Variants in RSRC1 observed in about 807,000 individuals in gnomAD.
The protein encoded by RSRC1 is serine/Arginine-related protein 53.
Under a neutral mutation model 49.1 loss-of-function variants are expected in RSRC1, and 39 were observed. The ratio of observed to expected loss-of-function variants is 0.79; its 90% confidence interval spans 0.61 to 1.04. RSRC1 has a LOEUF of 1.04. RSRC1 is among the 50% of genes least tolerant of loss of function. The pLI is 0.00. For missense variants in RSRC1, 388 were observed against 402.4 expected (o/e 0.96, Z 0.31); for synonymous variants, 143 against 130.8 (o/e 1.09, Z -0.63).
At chr3:158,162,405 G>T (rs1718285062) in intron 3 of RSRC1, among the ~76,000 whole-genome samples, 1 of 151,972 alleles carries the variant, frequency 6.6e-6, no homozygotes, top group Non-Finnish European at 1.5e-5. Flanking sequence ...GTATCTAATG[G>T]TTTCCTTTTT....
intron 4 of RSRC1, among the ~76,000 whole-genome samples, chr3:158,268,263 C>T (rs940096262): frequency 6.6e-6 from 1 of 152,170 alleles, no homozygotes; most frequent in South Asian, 2.1e-4. Flanking sequence ...GGTTAATACA[C>T]TTAATTTAAA....
At chr3:158,445,968 C>T (rs1280132549) in intron 6 of RSRC1, among the ~76,000 whole-genome samples, 1 of 151,934 alleles carries the variant, frequency 6.6e-6, no homozygotes, top group Non-Finnish European at 1.5e-5. Flanking sequence ...CATATTCAGC[C>T]GTCAGTCTGT....
chr3:158,471,771 T>C (rs1211141164), intron 7 of RSRC1, among the ~76,000 whole-genome samples: 1 of 152,072 alleles, frequency 6.6e-6, no homozygotes, highest in Non-Finnish European at 1.5e-5. Context: ...AAGAAATTGT[T>C]GGAATGAGAG....
chr3:158,282,450 G>T (rs558936693), intron 4 of RSRC1, among the ~76,000 whole-genome samples: 98 of 152,230 alleles, frequency 6.4e-4, no homozygotes, highest in African/African-American at 2.1e-3. Context: ...CAGTGGCTTT[G>T]TTTTTTCTGA....
intron 6 of RSRC1, among the ~76,000 whole-genome samples, chr3:158,430,784 A>G (rs1193559443): frequency 6.6e-6 from 1 of 151,958 alleles, no homozygotes; most frequent in East Asian, 1.9e-4. Context: ...AGTACCTGGT[A>G]CAGTATATAG....
At chr3:158,354,747 C>A (rs1731065696) in intron 5 of RSRC1, 110 bp from the exon 6 acceptor site, 1 of 762,164 alleles carries the variant, frequency 1.3e-6, no homozygotes, top group Admixed American at 3.1e-5. Flanking sequence ...TGTTAAAGCT[C>A]TTTAAATTTC....
intron 4 of RSRC1, among the ~76,000 whole-genome samples, chr3:158,297,763 G>C (rs539459208): frequency 6.6e-6 from 1 of 151,916 alleles, no homozygotes; most frequent in Non-Finnish European, 1.5e-5. Context: ...TAGATATTGT[G>C]TGAAGAATAA....
chr3:158,165,115 T>A (rs1244050440), intron 3 of RSRC1, among the ~76,000 whole-genome samples: 1 of 152,172 alleles, frequency 6.6e-6, no homozygotes, highest in Non-Finnish European at 1.5e-5. Flanking sequence ...GAACCTTTGC[T>A]CTGAGCATGG....
chr3:158,284,882 A>G (rs1468036438), intron 4 of RSRC1, among the ~76,000 whole-genome samples: 1 of 151,248 alleles, frequency 6.6e-6, no homozygotes, highest in Non-Finnish European at 1.5e-5. Context: ...TGCTGTGCAG[A>G]AGCTCTTTAG....
intron 3 of RSRC1, among the ~76,000 whole-genome samples, chr3:158,150,892 C>A (rs916880507): frequency 4.6e-5 from 7 of 152,158 alleles, no homozygotes; most frequent in African/African-American, 1.7e-4. Context: ...GTAAGGAATT[C>A]ATCTTCTTTC....
At chr3:158,377,865 TGGCCAG>T (rs147224417) in intron 6 of RSRC1, among the ~76,000 whole-genome samples, 2,889 of 152,240 alleles carry the variant, frequency 0.019, 72 homozygotes, top group African/African-American at 0.066. Context: ...TTCACCATGT[TGGCCAG>T]GTTGGTCTTG....
chr3:158,489,872 T>C (rs1251590935), intron 7 of RSRC1, among the ~76,000 whole-genome samples: 1 of 152,180 alleles, frequency 6.6e-6, no homozygotes, highest in Non-Finnish European at 1.5e-5. Flanking sequence ...AAAGATAATA[T>C]AGTTGAGTTT....
chr3:158,397,564 A>T (rs1173180663), intron 6 of RSRC1, among the ~76,000 whole-genome samples: 1 of 152,202 alleles, frequency 6.6e-6, no homozygotes, highest in African/African-American at 2.4e-5. Flanking sequence ...TACATATCTC[A>T]AAAGATGTGT....
At chr3:158,192,110 A>G (rs924702123) in intron 3 of RSRC1, among the ~76,000 whole-genome samples, 2 of 151,990 alleles carry the variant, frequency 1.3e-5, no homozygotes, top group Non-Finnish European at 2.9e-5. Context: ...CTTGCAATCT[A>G]TAAGCATGAT....
Position 158,128,590 on chromosome 3 carries a change from C to A in RSRC1, c.320+4599C>A, listed in dbSNP as rs138905686. ...AAAAATAATACAGAATTTCCTTATACCCCTCATATCACCTCACCTGGTACA... is the reference window on the plus strand; with the variant it reads ...AAAAATAATACAGAATTTCCTTATAACCCTCATATCACCTCACCTGGTACA... On this transcript the variant is annotated intron_variant, in intron 3 of 9. Transcript: ENST00000611884. 8.7e-3 allele frequency among the ~76,000 whole-genome samples: 1,320 copies of A among 152,144 alleles called. 12 individuals carry two copies. Among genetic ancestry groups the A allele is most frequent in the Non-Finnish European group, 0.012 (832 of 68,004 alleles).
chr3:158,361,068 G>GGA (rs1443976000), intron 6 of RSRC1, among the ~76,000 whole-genome samples: 1 of 152,192 alleles, frequency 6.6e-6, no homozygotes, highest in African/African-American at 2.4e-5. Context: ...TCACCCATGT[G>GGA]GCAGCTTTTC....
intron 6 of RSRC1, among the ~76,000 whole-genome samples, chr3:158,405,626 G>T (rs1332241364): frequency 6.6e-6 from 1 of 152,134 alleles, no homozygotes; most frequent in Non-Finnish European, 1.5e-5. Context: ...CAAAGTAGCA[G>T]ATTGAAGTGG....
chr3:158,154,700 T>C (rs1011183317), intron 3 of RSRC1, among the ~76,000 whole-genome samples: 3 of 152,250 alleles, frequency 2.0e-5, no homozygotes, highest in African/African-American at 7.2e-5. Context: ...CTTGACCTCA[T>C]GATCCGCCCA....
At chr3:158,138,688 T>G (rs1559914906) in intron 3 of RSRC1, among the ~76,000 whole-genome samples, 1 of 152,252 alleles carries the variant, frequency 6.6e-6, no homozygotes, top group Non-Finnish European at 1.5e-5. Context: ...TTTTCCATCA[T>G]TGTGTTATAA....
Sources: gnomAD v4.1 joint callset for allele counts (sites outside exome capture counted in the v4.1 genomes callset) on GRCh38, gnomAD v4.1.1 for gene constraint, MANE v1.5 for transcripts, NCBI Gene and HGNC (gene_info 2026-07-23, HGNC 2026-07-21) for gene names.